The following GEMIN5 variants were observed in gnomAD, a reference collection of about 807,000 sequenced individuals.
GEMIN5 encodes gem nuclear organelle associated protein 5.
GEMIN5 carries 124 observed loss-of-function variants against 176.9 expected under a neutral mutation model. The ratio of observed to expected loss-of-function variants is 0.70; its 90% confidence interval spans 0.61 to 0.81. GEMIN5 has a LOEUF of 0.81. GEMIN5 is among the 40% of genes least tolerant of loss of function. The probability of loss-of-function intolerance (pLI) is 0.00; values close to 1 mark genes in which losing one functional copy is unlikely to be tolerated. For missense variants in GEMIN5, 1,843 were observed against 1,814.6 expected (o/e 1.02, Z -0.28); for synonymous variants, 673 against 665.2 (o/e 1.01, Z -0.18).
At chr5:154,935,785 G>A (rs1764255087) in intron 3 of GEMIN5, 56 bp downstream of exon 3, 24 of 1,266,036 alleles carry the variant, frequency 1.9e-5, no homozygotes, top group Non-Finnish European at 2.6e-5. Context: ...TAAAGAAAAT[G>A]CAAAACACGA....
At chr5:154,902,747 G>A (rs928137834) in intron 19 of GEMIN5, 71 bp from the exon 20 acceptor site, 5 of 1,498,412 alleles carry the variant, frequency 3.3e-6, no homozygotes, top group Non-Finnish European at 3.7e-6. Context: ...GGAAAAGAAA[G>A]GCAAGATAGA....
At chr5:154,928,397 C>A in intron 6 of GEMIN5, 130 bp downstream of exon 6, 1 of 770,348 alleles carries the variant, frequency 1.3e-6, no homozygotes, top group Non-Finnish European at 2.2e-6. Flanking sequence ...GCATTAGTCT[C>A]ATAATTTTTC....
intron 11 of GEMIN5, 58 bp downstream of exon 11, chr5:154,919,909 G>C (rs920743733): frequency 2.7e-6 from 4 of 1,477,292 alleles, no homozygotes; most frequent in African/African-American, 1.4e-5. Context: ...TGCAAGATGG[G>C]AAACACAGAG....
chr5:154,911,078 T>C (rs1415284316), intron 15 of GEMIN5, among the ~76,000 whole-genome samples: 1 of 152,214 alleles, frequency 6.6e-6, no homozygotes, highest in Non-Finnish European at 1.5e-5. Context: ...CCTTTTGACA[T>C]GTCTCCTGAA....
chr5:154,889,475 C>T lies in GEMIN5; in HGVS notation c.4263-58G>A. 3 of 943,078 alleles carry T rather than the reference C, an allele frequency of 3.2e-6. No homozygotes were observed. In the South Asian group the frequency reaches 4.2e-5, roughly 13 times the overall value. The allele number at this position is 943,078 out of a possible 1,614,324, so 58.4% of individuals were successfully genotyped here. On this transcript the variant is annotated intron_variant, in intron 26 of 27. Coordinates refer to ENST00000285873, the MANE Select transcript of GEMIN5 (RefSeq NM_015465.5). ...GTCTTGCCCTGGGTAACATTTTTCT[C>T]CCATTGTTATTTTACTGTGGTAAAA...
rs545465734 is a variant in GEMIN5 at position 154,891,444 on chromosome 5, C to G, written c.4059G>C (p.Leu1353=). 1.5e-5 allele frequency: 24 copies of G among 1,614,156 alleles called. No individual in the cohort carries two copies. In the South Asian group the frequency reaches 2.1e-4, roughly 14 times the overall value. The change falls in exon 26 of 28, where the codon CTG becomes CTC. Residue 1353 remains leucine, a synonymous_variant. Transcript: ENST00000285873. ...LRLTEEGERM[L]STFKELFSEK... ...CTGAAAAGAGCTCCTTAAAAGTACTCAGCATTCGCTCACCTTCTTCTGTGA... is the reference window on the plus strand; with the variant it reads ...CTGAAAAGAGCTCCTTAAAAGTACTGAGCATTCGCTCACCTTCTTCTGTGA...
At chr5:154,911,383 C>T (rs888370224) in intron 15 of GEMIN5, among the ~76,000 whole-genome samples, 2 of 152,092 alleles carry the variant, frequency 1.3e-5, no homozygotes, top group Non-Finnish European at 1.5e-5. Flanking sequence ...CATGGTAGTG[C>T]GCACCTGTAG....
rs755751354 is a variant in GEMIN5, at chr5:154,907,705, T to C, written c.2281A>G (p.Asn761Asp). ...TPVKLESIDG[N>D]EEESMKENSG... is the part of the protein sequence containing the mutation. ...TTCTCCTTCATGCTTTCTTCTTCAT[T>C]TCCATCAATCGATTCCAGCTTTACA... The change falls in exon 16 of 28, where the codon AAT becomes GAT. Residue 761 changes from asparagine to aspartate, a missense_variant. By Grantham distance (23) the Asn-to-Asp change is conservative. Transcript: ENST00000285873. 6.2e-7 allele frequency: 1 copy of C among 1,614,128 alleles called. No individual in the cohort carries two copies. The highest frequency in any genetic ancestry group is 8.5e-7 in the Non-Finnish European group (1 of 1,179,972).
chr5:154,906,414 A>G (rs986257100), intron 16 of GEMIN5, among the ~76,000 whole-genome samples: 1 of 152,220 alleles, frequency 6.6e-6, no homozygotes, highest in Non-Finnish European at 1.5e-5. Flanking sequence ...TAGGTCATAA[A>G]GTACTAATTG....
chr5:154,892,836 T>C (rs563575508), intron 24 of GEMIN5, among the ~76,000 whole-genome samples: 7 of 152,218 alleles, frequency 4.6e-5, no homozygotes, highest in Admixed American at 2.0e-4. Flanking sequence ...CGGTGGCTCA[T>C]GCCTGTAATC....
chr5:154,922,170 C>CT (rs1274633981), intron 9 of GEMIN5, among the ~76,000 whole-genome samples: 2 of 152,060 alleles, frequency 1.3e-5, no homozygotes, highest in African/African-American at 2.4e-5. Flanking sequence ...TATTTATTTT[C>CT]TTTTTTTCTG....
Position 154,888,200 on chromosome 5 carries a change from G to A in GEMIN5, c.*10C>T. 4.3e-6 allele frequency: 7 copies of A among 1,612,972 alleles called. No homozygotes were observed. The highest frequency in any genetic ancestry group is 5.9e-6 in the Non-Finnish European group (7 of 1,178,958). On this transcript the variant is annotated 3_prime_UTR_variant, in exon 28 of 28. Transcript: ENST00000285873. ...TTCAATTTGGCAGTTTCTTCAAGGT[G>A]TGTGAAAATTCACATACAGAAGGTC...
At chr5:154,905,258 A>G (rs1313837730) in intron 17 of GEMIN5, 105 bp downstream of exon 17, 4 of 542,904 alleles carry the variant, frequency 7.4e-6, no homozygotes, top group Non-Finnish European at 1.3e-5. Context: ...TTGAACCTAT[A>G]AAAACAAACA....
intron 6 of GEMIN5, 60 bp from the exon 7 acceptor site, chr5:154,927,610 T>C (rs1286798991): frequency 3.1e-6 from 4 of 1,310,790 alleles, no homozygotes; most frequent in Admixed American, 1.9e-5. Context: ...CAAGTGACTG[T>C]TGAGACAGAG....
In GEMIN5 at chr5:154,891,312, T is replaced by A. The variant is rs1339657748; in HGVS notation, c.4191A>T (p.Thr1397=). The A allele has an allele frequency of 6.2e-7, 1 of 1,614,116 alleles. No individual in the cohort carries two copies. The highest frequency in any genetic ancestry group is 1.1e-5 in the South Asian group (1 of 91,074). ...QHQKSQLCKS[T]ANGPDKNEPE... ...GTTCATTCTTATCAGGACCATTTGC[T>A]GTGGATTTACAGAGTTGACTCTTTT... Residue 1397 remains threonine, a synonymous_variant, in exon 26 of 28, where the codon ACA becomes ACT. Coordinates refer to ENST00000285873, the MANE Select transcript of GEMIN5 (RefSeq NM_015465.5).
At chr5:154,907,018 T>G (rs1763581408) in intron 16 of GEMIN5, among the ~76,000 whole-genome samples, 1 of 152,214 alleles carries the variant, frequency 6.6e-6, no homozygotes, top group Admixed American at 6.5e-5. Context: ...AATTTTTACC[T>G]AACAGTTTTT....
chr5:154,927,313 A>C (rs1764062068), intron 7 of GEMIN5, 72 bp downstream of exon 7: 2 of 963,054 alleles, frequency 2.1e-6, no homozygotes, highest in Non-Finnish European at 3.2e-6. Context: ...AGGTGCTTTG[A>C]AAAAGCCCTC....
chr5:154,936,600 A>G (rs1166906770), intron 2 of GEMIN5, among the ~76,000 whole-genome samples: 1 of 152,248 alleles, frequency 6.6e-6, no homozygotes, highest in African/African-American at 2.4e-5. Context: ...AGGCAGGTAC[A>G]TCAAGTAACT....
intron 11 of GEMIN5, among the ~76,000 whole-genome samples, chr5:154,918,524 T>C (rs1285699202): frequency 6.6e-6 from 1 of 152,126 alleles, no homozygotes; most frequent in Non-Finnish European, 1.5e-5. Context: ...GATTCAAAAT[T>C]TCTATATCCA....
Sources: gnomAD v4.1 joint callset for allele counts (sites outside exome capture counted in the v4.1 genomes callset) on GRCh38, gnomAD v4.1.1 for gene constraint, MANE v1.5 for transcripts, NCBI Gene and HGNC (gene_info 2026-07-23, HGNC 2026-07-21) for gene names.